Variants in PTPRT observed in about 807,000 individuals in gnomAD.
PTPRT encodes receptor-type tyrosine-protein phosphatase T.
Under a neutral mutation model 176.8 loss-of-function variants are expected in PTPRT, and 56 were observed. The ratio of observed to expected loss-of-function variants is 0.32; its 90% CI spans 0.26 to 0.40. The LOEUF is 0.40. PTPRT is among the 10% of genes least tolerant of loss of function. The pLI is 1.00. For synonymous variants in PTPRT, 783 were observed against 739.0 expected, an observed-to-expected ratio of 1.06 and a Z score of -0.96; for missense variants, 1,540 against 1,908.2, an observed-to-expected ratio of 0.81 and a Z score of 3.60.
intron 4 of PTPRT, among the ~76,000 whole-genome samples, chr20:42,772,883 A>C (rs2077083329): frequency 6.6e-6 from 1 of 152,220 alleles, no homozygotes; most frequent in African/African-American, 2.4e-5. Flanking sequence ...ACTTCATGAC[A>C]TTCCTATAAA....
intron 12 of PTPRT, among the ~76,000 whole-genome samples, chr20:42,286,882 C>T (rs1209516208): frequency 1.3e-5 from 2 of 151,798 alleles, no homozygotes; most frequent in Non-Finnish European, 2.9e-5. Context: ...ATACTAGGAA[C>T]TCAAACAATT....
chr20:42,595,194 G>C (rs535886424), intron 7 of PTPRT, among the ~76,000 whole-genome samples: 1 of 151,962 alleles, frequency 6.6e-6, no homozygotes, highest in African/African-American at 2.4e-5. Context: ...CTGGTGTAGT[G>C]CGTGGGAGAT....
At chr20:42,420,727 A>G (rs952532916) in intron 9 of PTPRT, among the ~76,000 whole-genome samples, 5 of 152,150 alleles carry the variant, frequency 3.3e-5, no homozygotes, top group African/African-American at 7.2e-5. Context: ...GAAGAGCCCA[A>G]TAAATTGTTA....
intron 8 of PTPRT, among the ~76,000 whole-genome samples, chr20:42,458,518 G>A (rs550542452): frequency 6.6e-6 from 1 of 152,258 alleles, no homozygotes; most frequent in East Asian, 1.9e-4. Flanking sequence ...TTACCTAGGT[G>A]TCTGGCACAA....
At chr20:42,043,425 A>G in the PTPRT span, among the ~76,000 whole-genome samples, 13 of 152,202 alleles carry the variant, frequency 8.5e-5, no homozygotes, top group Non-Finnish European at 1.6e-4. Flanking sequence ...GAGACACGCA[A>G]TCATTTCCAG....
intron 28 of PTPRT, 149 bp downstream of exon 28, chr20:42,085,579 G>C: frequency 8.2e-7 from 1 of 1,215,068 alleles, no homozygotes. Flanking sequence ...TCTGGAGCCG[G>C]AATCAGCACA....
At chr20:43,045,890 G>A (rs934020314) in intron 1 of PTPRT, among the ~76,000 whole-genome samples, 4 of 152,262 alleles carry the variant, frequency 2.6e-5, no homozygotes, top group African/African-American at 7.2e-5. Context: ...CAGGGGAACC[G>A]AATTTAGATT....
At chr20:42,466,975 A>ATT (rs1306579391) in intron 8 of PTPRT, among the ~76,000 whole-genome samples, 7 of 152,276 alleles carry the variant, frequency 4.6e-5, no homozygotes, top group African/African-American at 1.7e-4. Flanking sequence ...CACTGGCCAT[A>ATT]TTTGAGGCAA....
At chr20:42,969,998 T>C (rs1297190607) in intron 1 of PTPRT, among the ~76,000 whole-genome samples, 1 of 152,202 alleles carries the variant, frequency 6.6e-6, no homozygotes, top group Admixed American at 6.5e-5. Context: ...TTCCTGAGGT[T>C]ACAGAGCTCA....
At chr20:42,069,195 C>T (rs1358417759), downstream of PTPRT, among the ~76,000 whole-genome samples, 1 of 152,160 alleles carries the variant, frequency 6.6e-6, no homozygotes, top group African/African-American at 2.4e-5. Flanking sequence ...CATTTTGGTC[C>T]TTCAGTGAAG....
At chr20:43,086,416 T>A (rs1425090146) in intron 1 of PTPRT, among the ~76,000 whole-genome samples, 2 of 152,202 alleles carry the variant, frequency 1.3e-5, no homozygotes, top group Non-Finnish European at 2.9e-5. Flanking sequence ...TAACTGCACA[T>A]CATATGCCAC....
chr20:42,975,375 C>CA lies in PTPRT; in HGVS notation c.89-89444dup, dbSNP rs200847856. Among the ~76,000 whole-genome samples, 829 of 151,982 alleles carry CA rather than the reference C, an allele frequency of 5.5e-3. 11 individuals are homozygous for CA. The highest frequency in any genetic ancestry group is 0.019 in the African/African-American group (791 of 41,468). On this transcript the variant is annotated intron_variant, in intron 1 of 30. Transcript: ENST00000373187. ...GCACCAACAACCCTAAAAGGAAACA[C>CA]AAAAAAATACCACCGATGATTATCT... is the stretch of plus-strand genomic sequence containing the variant.
chr20:43,167,736 G>A (rs1399878209), intron 1 of PTPRT, among the ~76,000 whole-genome samples: 2 of 152,182 alleles, frequency 1.3e-5, no homozygotes, highest in Non-Finnish European at 2.9e-5. Context: ...AGGTCCATGT[G>A]GCAAGAAACT....
intron 2 of PTPRT, among the ~76,000 whole-genome samples, chr20:42,880,136 C>G (rs1382364662): frequency 6.6e-6 from 1 of 151,986 alleles, no homozygotes; most frequent in Non-Finnish European, 1.5e-5. Flanking sequence ...GGGTGGTGCA[C>G]CTGGGCTGGC....
At chr20:42,143,697 G>A (rs928714210) in intron 17 of PTPRT, among the ~76,000 whole-genome samples, 14 of 152,130 alleles carry the variant, frequency 9.2e-5, no homozygotes, top group African/African-American at 2.4e-4. Flanking sequence ...GGGTTGCCTC[G>A]GAAGCAGACT....
intron 1 of PTPRT, among the ~76,000 whole-genome samples, chr20:43,002,450 T>C (rs6030600): frequency 6.4e-4 from 98 of 152,310 alleles, no homozygotes; most frequent in African/African-American, 2.3e-3. Flanking sequence ...GTTCCTTTTC[T>C]AACACTCACT....
intron 6 of PTPRT, among the ~76,000 whole-genome samples, chr20:42,682,277 A>C (rs1290273562): frequency 6.6e-6 from 1 of 152,224 alleles, no homozygotes. Flanking sequence ...GATACCTTAA[A>C]AGTTAAAAAA....
rs1183437390 is a variant in PTPRT at position 42,518,701 on chromosome 20, T to C, written c.1154-46139A>G. On this transcript the variant is annotated intron_variant, in intron 7 of 30. Coordinates refer to ENST00000373187, the MANE Select transcript of PTPRT (RefSeq NM_007050.6). ...GCTTTGTTGATCTTCTGGGATTTTT[T>C]CTGTTCCATTAATTTTTGTTCTTAT... Among the ~76,000 whole-genome samples, 4 of 152,238 alleles carry C rather than the reference T, an allele frequency of 2.6e-5. No homozygotes were observed. In the East Asian group the frequency reaches 5.8e-4, roughly 22 times the overall value.
At chr20:42,586,197 C>A (rs1384706753) in intron 7 of PTPRT, among the ~76,000 whole-genome samples, 3 of 152,144 alleles carry the variant, frequency 2.0e-5, no homozygotes, top group African/African-American at 7.2e-5. Flanking sequence ...AACATAAGCG[C>A]CTCCAAATTG....
Sources: gnomAD v4.1 joint callset for allele counts (sites outside exome capture counted in the v4.1 genomes callset) on GRCh38, gnomAD v4.1.1 for gene constraint, MANE v1.5 for transcripts, NCBI Gene and HGNC (gene_info 2026-07-23, HGNC 2026-07-21) for gene names.